RYR2: variants seen among roughly 807,000 people sequenced by gnomAD.
RYR2 encodes cardiac muscle ryanodine receptor-calcium release channel.
In RYR2, 227 loss-of-function variants were observed where a neutral mutation model predicts 601.1. The observed-to-expected ratio is 0.38, with a 90% CI of 0.34 to 0.42. The LOEUF is 0.42. Ranked by LOEUF, RYR2 falls within the 10% of genes least tolerant of loss-of-function variation. The probability of loss-of-function intolerance (pLI) is 1.00; values close to 1 mark genes in which losing one functional copy is unlikely to be tolerated. For missense variants in RYR2, 4,646 were observed against 6,156.5 expected, an observed-to-expected ratio of 0.75 and a Z score of 8.21; for synonymous variants, 2,223 against 2,175.1, an observed-to-expected ratio of 1.02 and a Z score of -0.61.
At chr1:237,054,525 A>G (rs1448452223) in intron 1 of RYR2, among the ~76,000 whole-genome samples, 2 of 152,032 alleles carry the variant, frequency 1.3e-5, no homozygotes, top group African/African-American at 4.8e-5. Flanking sequence ...ATTCTTGATT[A>G]TAGAAAATGC....
intron 98 of RYR2, among the ~76,000 whole-genome samples, chr1:237,804,491 C>T (rs1367823299): frequency 6.6e-6 from 1 of 152,024 alleles, no homozygotes; most frequent in African/African-American, 2.4e-5. Flanking sequence ...TGGGTGGTTT[C>T]TGACTCCACT....
intron 1 of RYR2, among the ~76,000 whole-genome samples, chr1:237,058,966 A>AT (rs532091427): frequency 4.0e-5 from 6 of 151,892 alleles, no homozygotes; most frequent in Middle Eastern, 3.4e-3. Context: ...TTCTGCAGAA[A>AT]TTTTTTTTTG....
intron 1 of RYR2, among the ~76,000 whole-genome samples, chr1:237,161,024 A>T (rs1403612894): frequency 6.6e-6 from 1 of 152,166 alleles, no homozygotes; most frequent in East Asian, 1.9e-4. Flanking sequence ...CATATATTTT[A>T]AACTTGCTTA....
At chr1:237,663,715 T>C (rs995735269) in intron 56 of RYR2, among the ~76,000 whole-genome samples, 4 of 152,236 alleles carry the variant, frequency 2.6e-5, no homozygotes, top group Admixed American at 1.3e-4. Flanking sequence ...TATTTCAATA[T>C]AGGTGAGCCA....
intron 2 of RYR2, among the ~76,000 whole-genome samples, chr1:237,282,138 C>T: frequency 6.6e-6 from 1 of 151,280 alleles, no homozygotes; most frequent in East Asian, 1.9e-4. Flanking sequence ...TTAGCCATCA[C>T]TGGAGTGAAC....
intron 1 of RYR2, among the ~76,000 whole-genome samples, chr1:237,214,251 C>A (rs1456570548): frequency 6.6e-6 from 1 of 152,060 alleles, no homozygotes; most frequent in Non-Finnish European, 1.5e-5. Context: ...TTGAATGTAG[C>A]TGCATTTTTC....
chr1:237,760,854 C>G (rs1693372128), intron 83 of RYR2, 101 bp from the exon 84 acceptor site: 2 of 633,074 alleles, frequency 3.2e-6, no homozygotes, highest in Admixed American at 6.5e-5. Flanking sequence ...TTAACATTTG[C>G]TTCATCTTCC....
At chr1:237,189,282 A>C (rs1368753845) in intron 1 of RYR2, among the ~76,000 whole-genome samples, 1 of 152,178 alleles carries the variant, frequency 6.6e-6, no homozygotes, top group African/African-American at 2.4e-5. Context: ...TATACATGAC[A>C]GTTTCTTTAT....
At chr1:237,762,376 A>G (rs1573848982) in intron 84 of RYR2, among the ~76,000 whole-genome samples, 1 of 152,300 alleles carries the variant, frequency 6.6e-6, no homozygotes, top group East Asian at 1.9e-4. Context: ...GCATCTCTCC[A>G]AAGTCCTAAG....
Position 237,655,939 on chromosome 1 carries a change from T to C in RYR2, c.8084T>C (p.Met2695Thr). The change falls in exon 53 of 105, where the codon ATG becomes ACG. Residue 2695 changes from methionine (M) to threonine (T), a missense_variant. Met to Thr is a moderately conservative substitution (Grantham distance 81). This residue lies in a region of RYR2 where 1,497 missense variants were observed against 1,842.6 expected (regional missense o/e 0.81). Coordinates refer to ENST00000366574, the MANE Select transcript of RYR2 (RefSeq NM_001035.3). ...AGTATGATGGAAAAACAGTCATCAA[T>C]GGATTCTGAAGGGAACTTTAACCCA... Reference protein sequence around the residue: ...YVSMMEKQSSMDSEGNFNPQP... With the variant: ...YVSMMEKQSSTDSEGNFNPQP... The C allele has an allele frequency of 1.2e-6, 2 of 1,613,554 alleles. No individual in the cohort carries two copies. The highest frequency in any genetic ancestry group is 1.7e-5 in the Admixed American group (1 of 59,974).
intron 1 of RYR2, among the ~76,000 whole-genome samples, chr1:237,130,076 T>C (rs1671988397): frequency 6.6e-6 from 1 of 152,008 alleles, no homozygotes; most frequent in Non-Finnish European, 1.5e-5. Context: ...GCTTGAGAAT[T>C]GCTAAGAGAG....
At chr1:237,430,024 T>C (rs1040713365) in intron 12 of RYR2, among the ~76,000 whole-genome samples, 1 of 151,422 alleles carries the variant, frequency 6.6e-6, no homozygotes, top group Non-Finnish European at 1.5e-5. Context: ...ATTGGAAGTA[T>C]TTTTCATGGC....
intron 81 of RYR2, 87 bp from the exon 82 acceptor site, chr1:237,757,610 A>G: frequency 2.3e-6 from 2 of 860,314 alleles, no homozygotes; most frequent in Non-Finnish European, 3.9e-6. Flanking sequence ...GCATAATAAT[A>G]ATTTTAAAAG....
intron 31 of RYR2, among the ~76,000 whole-genome samples, chr1:237,591,299 G>C (rs897952581): frequency 1.3e-5 from 2 of 151,334 alleles, no homozygotes; most frequent in African/African-American, 4.9e-5. Flanking sequence ...TAATTTGTTA[G>C]CGTAGGTGCA....
rs140019345 is a variant in RYR2, at chr1:237,192,812, C to T, written c.49-77685C>T. On this transcript the variant is annotated intron_variant, in intron 1 of 104. Transcript: ENST00000366574. ...TTTACTTCATTTAAATGTGCTTCTT[C>T]AATTAATAGCAGTAAATACTCATCA... Among the ~76,000 whole-genome samples the T allele has an allele frequency of 1.1e-3, 166 of 152,164 alleles. 2 individuals are homozygous for T. Among genetic ancestry groups the T allele is most frequent in the African/African-American group, 3.9e-3 (161 of 41,536 alleles).
At chr1:237,198,800 C>G (rs899306747) in intron 1 of RYR2, among the ~76,000 whole-genome samples, 1 of 151,390 alleles carries the variant, frequency 6.6e-6, no homozygotes, top group Non-Finnish European at 1.5e-5. Context: ...TTCAGAAAAT[C>G]ACTGTGGAAG....
intron 73 of RYR2, among the ~76,000 whole-genome samples, chr1:237,720,767 T>C (rs1689652862): frequency 6.6e-6 from 1 of 152,130 alleles, no homozygotes; most frequent in Non-Finnish European, 1.5e-5. Context: ...CAGTACCTCT[T>C]AAGAGGAGTC....
intron 29 of RYR2, among the ~76,000 whole-genome samples, chr1:237,570,039 A>C (rs1045368176): frequency 6.6e-6 from 1 of 152,026 alleles, no homozygotes; most frequent in Non-Finnish European, 1.5e-5. Flanking sequence ...AACATAGTGA[A>C]ACCCCATGTC....
At chr1:237,131,700 C>G (rs1672188212) in intron 1 of RYR2, among the ~76,000 whole-genome samples, 1 of 151,978 alleles carries the variant, frequency 6.6e-6, no homozygotes, top group African/African-American at 2.4e-5. Context: ...CTAAGATGGC[C>G]TGTAATGATC....
Sources: gnomAD v4.1 joint callset for allele counts (sites outside exome capture counted in the v4.1 genomes callset) on GRCh38, gnomAD v4.1.1 for gene constraint, gnomAD v4.1.1 regional missense constraint, MANE v1.5 for transcripts, NCBI Gene and HGNC (gene_info 2026-07-23, HGNC 2026-07-21) for gene names.